Variants in MACROD2 observed in about 807,000 individuals in gnomAD.
MACROD2 encodes the protein ADP-ribose glycohydrolase MACROD2.
A neutral mutation model predicts 70.4 loss-of-function variants in MACROD2; 36 were observed. The ratio of observed to expected loss-of-function variants is 0.51; its 90% confidence interval spans 0.39 to 0.68. The LOEUF is 0.68. Among genes scored for constraint, MACROD2 ranks in the 30% least tolerant of loss-of-function variants. MACROD2 has a pLI of 0.00. For synonymous variants in MACROD2, 172 were observed against 178.8 expected, an observed-to-expected ratio of 0.96 and a Z score of 0.30; for missense variants, 496 against 538.4, an observed-to-expected ratio of 0.92 and a Z score of 0.78.
At chr20:14,699,930 A>C (rs899696538) in intron 5 of MACROD2, among the ~76,000 whole-genome samples, 8 of 149,276 alleles carry the variant, frequency 5.4e-5, no homozygotes, top group African/African-American at 2.0e-4. Context: ...TTAAAGTTTA[A>C]ACTTTTTAAA....
intron 5 of MACROD2, among the ~76,000 whole-genome samples, chr20:15,088,434 TATATATATATATATATAA>T (rs2075768069): frequency 1.3e-5 from 1 of 78,156 alleles, no homozygotes; most frequent in Non-Finnish European, 2.7e-5. Context: ...TATATATATA[TATATATATATATATATAA>T]TATTTTGTGT....
intron 2 of MACROD2, among the ~76,000 whole-genome samples, chr20:14,043,275 A>G (rs2053420318): frequency 6.6e-6 from 1 of 152,156 alleles, no homozygotes; most frequent in Admixed American, 6.5e-5. Context: ...CAGGGATCTC[A>G]CACCCTTTCC....
chr20:14,404,368 T>G (rs1193696237), intron 3 of MACROD2, among the ~76,000 whole-genome samples: 1 of 152,158 alleles, frequency 6.6e-6, no homozygotes, highest in African/African-American at 2.4e-5. Flanking sequence ...TGCTCATGGC[T>G]GTAATCCCAG....
chr20:14,416,753 T>C (rs1180040441), intron 3 of MACROD2, among the ~76,000 whole-genome samples: 1 of 152,206 alleles, frequency 6.6e-6, no homozygotes, highest in African/African-American at 2.4e-5. Context: ...TTGGTATGAA[T>C]GCTAATTTAG....
At chr20:14,483,439 T>TA (rs1284069284) in intron 3 of MACROD2, among the ~76,000 whole-genome samples, 4 of 152,190 alleles carry the variant, frequency 2.6e-5, no homozygotes, top group African/African-American at 9.6e-5. Context: ...GGAGTTTCGC[T>TA]CCTGTTGCCC....
intron 6 of MACROD2, among the ~76,000 whole-genome samples, chr20:15,281,586 C>A (rs1412533679): frequency 1.3e-5 from 2 of 152,234 alleles, no homozygotes; most frequent in Admixed American, 1.3e-4. Context: ...TCCTTTAACT[C>A]CATGTCTCAC....
At chr20:15,518,650 GGGAAGAAAGAGGGA>G (rs2047602936) in intron 8 of MACROD2, among the ~76,000 whole-genome samples, 1 of 152,170 alleles carries the variant, frequency 6.6e-6, no homozygotes, top group South Asian at 2.1e-4. Context: ...GTGGGAAGAA[GGGAAGAAAGAGGGA>G]GGAAGAAAGA....
intron 6 of MACROD2, among the ~76,000 whole-genome samples, chr20:15,284,618 C>T (rs1024780658): frequency 6.6e-6 from 1 of 152,146 alleles, no homozygotes; most frequent in Non-Finnish European, 1.5e-5. Flanking sequence ...TCTTTGGCTA[C>T]ATTACCTGTC....
intron 6 of MACROD2, among the ~76,000 whole-genome samples, chr20:15,295,185 C>T (rs1448077063): frequency 6.6e-6 from 1 of 152,172 alleles, no homozygotes; most frequent in African/African-American, 2.4e-5. Flanking sequence ...TGAGACATGC[C>T]TTTGCTCTTC....
chr20:14,901,018 A>G (rs1223705227), intron 5 of MACROD2, among the ~76,000 whole-genome samples: 1 of 152,126 alleles, frequency 6.6e-6, no homozygotes, highest in East Asian at 1.9e-4. Flanking sequence ...GAGTAGATAT[A>G]CTGCAAGAAA....
intron 4 of MACROD2, among the ~76,000 whole-genome samples, chr20:14,634,954 T>C (rs1463327128): frequency 6.6e-6 from 1 of 152,154 alleles, no homozygotes; most frequent in Non-Finnish European, 1.5e-5. Flanking sequence ...AGAACTTTTG[T>C]TCTAGTCTTC....
chr20:14,294,766 C>T (rs552785537), intron 3 of MACROD2, among the ~76,000 whole-genome samples: 1 of 151,812 alleles, frequency 6.6e-6, no homozygotes, highest in South Asian at 2.1e-4. Context: ...AAATATGGAG[C>T]TCTTTTAAGT....
chr20:15,033,139 A>G (rs1251375867), intron 5 of MACROD2, among the ~76,000 whole-genome samples: 1 of 152,170 alleles, frequency 6.6e-6, no homozygotes, highest in Non-Finnish European at 1.5e-5. Context: ...TGTTCTGGAA[A>G]TGGATAGTGG....
chr20:14,037,806 C>G (rs934395807), intron 2 of MACROD2, among the ~76,000 whole-genome samples: 1 of 151,396 alleles, frequency 6.6e-6, no homozygotes, highest in African/African-American at 2.4e-5. Flanking sequence ...ATGGTTTGAG[C>G]CCAGAATTTC....
intron 8 of MACROD2, among the ~76,000 whole-genome samples, chr20:15,634,004 A>T (rs528371902): frequency 1.3e-5 from 2 of 152,290 alleles, no homozygotes; most frequent in South Asian, 4.1e-4. Context: ...TATACCATGA[A>T]CACATATCCT....
At chr20:15,021,444 A>T (rs1326945244) in intron 5 of MACROD2, 1 of 150,138 alleles carries the variant, frequency 6.7e-6, no homozygotes, top group Non-Finnish European at 1.5e-5. Context: ...ATACACAGAT[A>T]CGTATATATG....
At chr20:15,940,449 T>C (rs947611729) in intron 12 of MACROD2, among the ~76,000 whole-genome samples, 6 of 152,294 alleles carry the variant, frequency 3.9e-5, no homozygotes, top group Middle Eastern at 3.4e-3. Flanking sequence ...TCAAACAGCA[T>C]TGCATGCCAC....
intron 8 of MACROD2, among the ~76,000 whole-genome samples, chr20:15,790,975 A>C (rs2063619427): frequency 1.3e-5 from 2 of 151,854 alleles, no homozygotes; most frequent in African/African-American, 2.4e-5. Context: ...ATCTGTTATT[A>C]CCCTGTTATG....
At chr20:14,521,440 A>G (rs1483024254) in intron 4 of MACROD2, among the ~76,000 whole-genome samples, 2 of 152,318 alleles carry the variant, frequency 1.3e-5, no homozygotes, top group Non-Finnish European at 2.9e-5. Context: ...AGTACTTTCT[A>G]TATTACATTA....
Sources: gnomAD v4.1 joint callset for allele counts (sites outside exome capture counted in the v4.1 genomes callset) on GRCh38, gnomAD v4.1.1 for gene constraint, MANE v1.5 for transcripts, NCBI Gene and HGNC (gene_info 2026-07-23, HGNC 2026-07-21) for gene names.